The following NAALADL2 variants were observed in gnomAD, a reference collection of about 807,000 sequenced individuals.
NAALADL2 encodes the protein inactive N-acetylated-alpha-linked acidic dipeptidase-like protein 2.
Under a neutral mutation model 87.2 loss-of-function variants are expected in NAALADL2, and 76 were observed. That is an observed-to-expected ratio of 0.87 (90% CI 0.72 to 1.05). The LOEUF (loss-of-function observed/expected upper bound fraction) is 1.05. Among genes scored for constraint, NAALADL2 ranks in the 50% least tolerant of loss-of-function variants. The pLI is 0.00. For missense variants in NAALADL2, 1,089 were observed against 945.8 expected, an observed-to-expected ratio of 1.15 and a Z score of -1.99; for synonymous variants, 354 against 331.0, an observed-to-expected ratio of 1.07 and a Z score of -0.75.
intron 2 of NAALADL2, among the ~76,000 whole-genome samples, chr3:175,117,648 A>G (rs1725473446): frequency 6.6e-6 from 1 of 150,770 alleles, no homozygotes; most frequent in South Asian, 2.1e-4. Context: ...AGAAATAGGA[A>G]CACTTTTACA....
intron 2 of NAALADL2, among the ~76,000 whole-genome samples, chr3:175,231,823 A>G (rs925656163): frequency 6.6e-6 from 1 of 152,152 alleles, no homozygotes; most frequent in African/African-American, 2.4e-5. Flanking sequence ...ATTTTAACAG[A>G]ATAAGGTATT....
intron 1 of NAALADL2, among the ~76,000 whole-genome samples, chr3:174,968,128 T>C (rs73176713): frequency 0.012 from 1,757 of 152,316 alleles, 18 homozygotes; most frequent in Non-Finnish European, 0.016. Context: ...TCTAATGATT[T>C]GTCCTCCCAA....
In NAALADL2 at chr3:174,829,727, C is replaced by T. The variant is rs1424793823; in HGVS notation, c.-9+91981C>T. ...CAATGGTTGAACTAGTTTACAGTCC[C>T]ACCAACAGTGTAGAAGTGTTCCTAT... On this transcript the variant is annotated intron_variant, in intron 3 of 3. Transcript: ENST00000434257. Among the ~76,000 whole-genome samples, 98 of 143,760 alleles carry T rather than the reference C, an allele frequency of 6.8e-4. 2 individuals carry two copies. Among genetic ancestry groups the T allele is most frequent in the African/African-American group, 2.5e-3 (94 of 37,762 alleles). 94.3% of individuals were successfully genotyped at this position (143,760 alleles called of 152,430 possible). A position where few individuals can be genotyped will look rare whatever the true frequency, so the allele number is the denominator to read the frequency against.
At chr3:175,513,489 A>G (rs938992425) in intron 9 of NAALADL2, among the ~76,000 whole-genome samples, 1 of 152,176 alleles carries the variant, frequency 6.6e-6, no homozygotes, top group Non-Finnish European at 1.5e-5. Context: ...TAATGTGCAT[A>G]TTCTGATATA....
intron 10 of NAALADL2, among the ~76,000 whole-genome samples, chr3:175,594,048 G>A (rs1721908629): frequency 6.6e-6 from 1 of 151,546 alleles, no homozygotes; most frequent in Non-Finnish European, 1.5e-5. Context: ...TTGTTACATG[G>A]GCATGTTGCA....
chr3:175,098,878 T>G (rs1721628480), intron 2 of NAALADL2, among the ~76,000 whole-genome samples: 1 of 143,494 alleles, frequency 7.0e-6, no homozygotes, highest in Non-Finnish European at 1.5e-5. Flanking sequence ...TTTTTAATGG[T>G]AAGGACAATT....
chr3:174,674,848 G>A (rs1726898194), intron 2 of NAALADL2, among the ~76,000 whole-genome samples: 1 of 151,722 alleles, frequency 6.6e-6, no homozygotes, highest in Admixed American at 6.6e-5. Flanking sequence ...GCTTATAACT[G>A]ACTTTATTTT....
At chr3:174,879,450 G>A (rs920886045) in intron 1 of NAALADL2, among the ~76,000 whole-genome samples, 1 of 151,996 alleles carries the variant, frequency 6.6e-6, no homozygotes, top group African/African-American at 2.4e-5. Flanking sequence ...CTCTGATTAT[G>A]GCCTCAAAAC....
intron 2 of NAALADL2, among the ~76,000 whole-genome samples, chr3:174,719,515 C>G (rs1267317894): frequency 7.2e-5 from 11 of 152,116 alleles, no homozygotes; most frequent in Admixed American, 7.2e-4. Flanking sequence ...ACTTAGCAAC[C>G]AAGAAGCTTA....
At chr3:175,505,222 G>T (rs1246598604) in intron 9 of NAALADL2, among the ~76,000 whole-genome samples, 1 of 150,812 alleles carries the variant, frequency 6.6e-6, no homozygotes, top group Non-Finnish European at 1.5e-5. Context: ...CTATGATCCT[G>T]CCACTGCATC....
chr3:174,464,343 A>C (rs1462135006), intron 1 of NAALADL2, among the ~76,000 whole-genome samples: 1 of 150,838 alleles, frequency 6.6e-6, no homozygotes, highest in Non-Finnish European at 1.5e-5. Flanking sequence ...CGTAAGTTTA[A>C]CTCTGAAATG....
intron 2 of NAALADL2, among the ~76,000 whole-genome samples, chr3:175,135,855 C>T (rs574008824): frequency 6.6e-6 from 1 of 152,200 alleles, no homozygotes; most frequent in East Asian, 1.9e-4. Context: ...ATTTTAGGAA[C>T]CAGACAGAAT....
intron 11 of NAALADL2, among the ~76,000 whole-genome samples, chr3:175,648,639 G>T (rs1415488431): frequency 6.6e-6 from 1 of 151,952 alleles, no homozygotes; most frequent in South Asian, 2.1e-4. Context: ...GCTTCAACTG[G>T]CTCTTTTAAT....
At chr3:174,751,638 T>A (rs1165092078) in intron 3 of NAALADL2, among the ~76,000 whole-genome samples, 1 of 143,040 alleles carries the variant, frequency 7.0e-6, no homozygotes, top group Non-Finnish European at 1.5e-5. Flanking sequence ...ACTCCAGCCT[T>A]GCTGACAGAG....
rs562200946 is a variant in NAALADL2 at position 175,100,838 on chromosome 3, CAAA to C, written c.545+3568_545+3570del. On this transcript the variant is annotated intron_variant, in intron 2 of 13. Coordinates refer to ENST00000454872, the MANE Select transcript of NAALADL2 (RefSeq NM_207015.3). ...TAGGCAACAATGTGAGACTCTGTCT[CAAA>C]AAAAAAAAAAAAAAAAAAAATTGCA... Among the ~76,000 whole-genome samples the C allele has an allele frequency of 8.3e-3, 575 of 69,306 alleles. 8 individuals carry two copies. The highest frequency in any genetic ancestry group is 0.025 in the African/African-American group (551 of 21,614). The allele number at this position is 69,306 out of a possible 152,430, so 45.5% of individuals were successfully genotyped here.
At chr3:174,915,154 G>T (rs1211574263) in intron 1 of NAALADL2, among the ~76,000 whole-genome samples, 1 of 152,098 alleles carries the variant, frequency 6.6e-6, no homozygotes, top group African/African-American at 2.4e-5. Flanking sequence ...GTAAAGCTTA[G>T]AAAACATTTT....
intron 2 of NAALADL2, among the ~76,000 whole-genome samples, chr3:175,149,296 AC>A (rs1270632663): frequency 2.0e-5 from 3 of 152,194 alleles, no homozygotes; most frequent in Non-Finnish European, 4.4e-5. Context: ...GTGATTGTCA[AC>A]TTTTAATTTA....
At chr3:174,502,141 G>A (rs1415428733) in intron 1 of NAALADL2, among the ~76,000 whole-genome samples, 1 of 152,136 alleles carries the variant, frequency 6.6e-6, no homozygotes, top group Non-Finnish European at 1.5e-5. Context: ...AGACTTTAAT[G>A]CATGCTTGAA....
intron 2 of NAALADL2, among the ~76,000 whole-genome samples, chr3:174,586,985 C>T (rs1050064211): frequency 1.5e-5 from 2 of 131,798 alleles, no homozygotes; most frequent in Admixed American, 1.5e-4. Flanking sequence ...CCTTGCCCCT[C>T]CCCCCACCCC....
Sources: gnomAD v4.1 joint callset for allele counts (sites outside exome capture counted in the v4.1 genomes callset) on GRCh38, gnomAD v4.1.1 for gene constraint, MANE v1.5 for transcripts, NCBI Gene and HGNC (gene_info 2026-07-23, HGNC 2026-07-21) for gene names.